CCDC159: variants seen among roughly 807,000 people sequenced by gnomAD.
CCDC159 encodes the protein coiled-coil domain containing 159, also known as coiled-coil domain-containing protein 159.
Under a neutral mutation model 50.9 loss-of-function variants are expected in CCDC159, and 40 were observed. The ratio of observed to expected loss-of-function variants is 0.79; its 90% confidence interval spans 0.61 to 1.02. The LOEUF is 1.02. Among genes scored for constraint, CCDC159 ranks in the 50% least tolerant of loss-of-function variants. The probability of loss-of-function intolerance (pLI) is 0.00; values close to 1 mark genes in which losing one functional copy is unlikely to be tolerated. For synonymous variants in CCDC159, 146 were observed against 138.9 expected, an observed-to-expected ratio of 1.05 and a Z score of -0.36; for missense variants, 356 against 371.5, an observed-to-expected ratio of 0.96 and a Z score of 0.34.
rs766335449 is a variant in CCDC159, at chr19:11,351,974, G to A, written c.490+1G>A. 1.2e-6 allele frequency: 2 copies of A among 1,609,652 alleles called. No homozygotes were observed. Among genetic ancestry groups the A allele is most frequent in the Non-Finnish European group, 1.7e-6 (2 of 1,177,990 alleles). On this transcript the variant is annotated splice_donor_variant, in intron 6 of 10. Coordinates refer to ENST00000458408, the MANE Select transcript of CCDC159 (RefSeq NM_001080503.3). LOFTEE classifies it high-confidence loss of function. ...GTGACCTTCATCTATCAGAAGCTCCGTGAGTTCCTGGAGCCCACAGCCGGT... is the reference window on the plus strand; with the variant it reads ...GTGACCTTCATCTATCAGAAGCTCCATGAGTTCCTGGAGCCCACAGCCGGT...
At chr19:11,349,059 T>G (rs774971090) in intron 1 of CCDC159, 29 of 1,343,416 alleles carry the variant, frequency 2.2e-5, no homozygotes, top group Non-Finnish European at 2.8e-5. Context: ...GGGGACACAG[T>G]GAGGACTGCA....
Position 11,351,021 on chromosome 19 carries a change from G to A in CCDC159, c.422+18G>A, listed in dbSNP as rs780959123. 3 of 1,531,122 alleles carry A rather than the reference G, an allele frequency of 2.0e-6. No homozygotes were observed. The highest frequency in any genetic ancestry group is 2.8e-5 in the African/African-American group (2 of 72,610). 94.8% of individuals were successfully genotyped at this position (1,531,122 alleles called of 1,614,324 possible). On this transcript the variant is annotated intron_variant, in intron 5 of 10. Coordinates refer to ENST00000458408, the MANE Select transcript of CCDC159 (RefSeq NM_001080503.3). ...CGGGACAGGTCGGGGATGGCGGGAG[G>A]GCAGCTTGGAGTCCACAGGAGGGAA...
chr19:11,349,440 C>T (rs528497157), intron 1 of CCDC159: 21 of 608,654 alleles, frequency 3.5e-5, no homozygotes, highest in Non-Finnish European at 5.2e-5. Flanking sequence ...TGGCTGTGAT[C>T]GTCTCTCAGC....
intron 1 of CCDC159, chr19:11,348,700 T>C: frequency 2.2e-6 from 1 of 461,362 alleles, no homozygotes; most frequent in South Asian, 1.5e-5. Flanking sequence ...CTGGGGGCAC[T>C]GGGGACATGG....
chr19:11,352,155 C>T lies in CCDC159; in HGVS notation c.567+22C>T, dbSNP rs771345236. 4.3e-6 allele frequency: 7 copies of T among 1,609,720 alleles called. 1 individual carries two copies. The South Asian group carries it at 6.6e-5, about 15-fold the overall frequency. On this transcript the variant is annotated intron_variant, in intron 7 of 10. Coordinates refer to ENST00000458408, the MANE Select transcript of CCDC159 (RefSeq NM_001080503.3). ...CAAAGTGAGTGGAGGAGATGGGGACCCTGGGGAGGAGTGGGAGAGGGAGGG... is the reference window on the plus strand; with the variant it reads ...CAAAGTGAGTGGAGGAGATGGGGACTCTGGGGAGGAGTGGGAGAGGGAGGG...
chr19:11,348,595 G>A (rs1045799713), intron 1 of CCDC159, among the ~76,000 whole-genome samples: 2 of 152,110 alleles, frequency 1.3e-5, no homozygotes, highest in African/African-American at 4.8e-5. Flanking sequence ...GGCCGCGTCT[G>A]GCCTTGGGAT....
chr19:11,354,942 C>A lies in CCDC159; in HGVS notation c.*65C>A. ...AAAATAAACTAGCCCAGACCCTCCT[C>A]TAGCCCCGACTGTTAGTCTTGCTGC... On this transcript the variant is annotated 3_prime_UTR_variant, in exon 11 of 11. Transcript: ENST00000458408. 6.5e-7 allele frequency: 1 copy of A among 1,538,710 alleles called. No homozygotes were observed. The highest frequency in any genetic ancestry group is 1.1e-5 in the South Asian group (1 of 89,604).
In CCDC159 at chr19:11,350,977, G is replaced by T; in HGVS notation, c.396G>T (p.Gln132His). The change falls in exon 5 of 11, where the codon CAG becomes CAT. Residue 132 changes from glutamine (Q) to histidine (H), a missense_variant. Physicochemically the swap from Gln to His is conservative, Grantham distance 24 (BLOSUM62 0). Transcript: ENST00000458408. ...GGGCCCGCACCACTCGCTGCCTGCAGCTGCTGGCCCAGGAGATCCGGGACA... is the reference window on the plus strand; with the variant it reads ...GGGCCCGCACCACTCGCTGCCTGCATCTGCTGGCCCAGGAGATCCGGGACA... The part of the protein sequence containing the change: ...MQRARTTRCL[Q>H]LLAQEIRDSK... 1 of 1,553,306 alleles carries T rather than the reference G, an allele frequency of 6.4e-7. No homozygotes were observed. The highest frequency in any genetic ancestry group is 2.0e-5 in the Admixed American group (1 of 51,236).
At chr19:11,347,404 C>T (rs893991822) in intron 1 of CCDC159, among the ~76,000 whole-genome samples, 2 of 152,210 alleles carry the variant, frequency 1.3e-5, no homozygotes, top group Non-Finnish European at 2.9e-5. Context: ...GATATCGGCT[C>T]ACTGCAACCT....
chr19:11,353,624 C>T (rs1293842076), intron 8 of CCDC159, 52 bp downstream of exon 8: 10 of 1,602,674 alleles, frequency 6.2e-6, no homozygotes, highest in Non-Finnish European at 8.5e-6. Flanking sequence ...ACCCGTTCCC[C>T]CAACGGGATC....
At position 11,350,193 on chromosome 19, in the gene CCDC159, C is replaced by T. The variant is rs753210747; in HGVS notation, c.220C>T (p.Leu74Phe). The T allele has an allele frequency of 9.3e-6, 15 of 1,610,160 alleles. No homozygotes were observed. The highest frequency in any genetic ancestry group is 1.6e-4 in the Middle Eastern group (1 of 6,082). ...SCLQQIKIQQ[L>F]EEVLSPTGRQ... Reference sequence around the variant, plus strand: ...CTTGCAGCAAATCAAGATTCAGCAGCTTGAAGGTGAGGACTGACCAGAGAT... The same window carrying T: ...CTTGCAGCAAATCAAGATTCAGCAGTTTGAAGGTGAGGACTGACCAGAGAT... The change falls in exon 4 of 11, where the codon CTT becomes TTT. Residue 74 changes from leucine (L) to phenylalanine (F), a missense_variant. Leu to Phe is a conservative substitution (Grantham distance 22). Transcript: ENST00000458408.
At chr19:11,354,817 C>T in intron 10 of CCDC159, 56 bp from the exon 11 acceptor site, 1 of 1,612,382 alleles carries the variant, frequency 6.2e-7, no homozygotes, top group Non-Finnish European at 8.5e-7. Context: ...CCCTGACCTG[C>T]AGCCCCGGAG....
Position 11,354,604 on chromosome 19 carries a change from G to A in CCDC159, c.797G>A (p.Ser266Asn). 1.3e-6 allele frequency: 2 copies of A among 1,579,690 alleles called. No homozygotes were observed. The highest frequency in any genetic ancestry group is 8.6e-7 in the Non-Finnish European group (1 of 1,156,472). Residue 266 changes from serine (S) to asparagine (N), a missense_variant, in exon 10 of 11, where the codon AGC (serine) becomes AAC (asparagine). By Grantham distance (46) the Ser-to-Asn change is conservative. Transcript: ENST00000458408. ...LRGHKGHQCL[S>N]PPLPSWDSDS... The stretch of plus-strand genomic sequence containing the variant: ...GGCCACAAGGGGCACCAGTGCCTGA[G>A]CCCTCCACTCCCCTCCTGGGACTCT...
chr19:11,349,714 T>C, intron 2 of CCDC159, 27 bp downstream of exon 2: 2 of 1,554,044 alleles, frequency 1.3e-6, no homozygotes, highest in Non-Finnish European at 1.8e-6. Flanking sequence ...CCAACAAAAC[T>C]GTGTGGGGAA....
chr19:11,347,507 T>A lies in CCDC159; in HGVS notation c.21+880T>A, dbSNP rs560902525. 3.8e-3 allele frequency among the ~76,000 whole-genome samples: 583 copies of A among 152,268 alleles called. 4 individuals are homozygous for A. The highest frequency in any genetic ancestry group is 0.014 in the African/African-American group (563 of 41,546). On this transcript the variant is annotated intron_variant, in intron 1 of 10. Transcript: ENST00000458408. Reference sequence around the variant, plus strand: ...CACCACGCCTGGCTAATTTTGTATTTTTAGTAGAGATGGGGTTTCTCCATG... The same window carrying A: ...CACCACGCCTGGCTAATTTTGTATTATTAGTAGAGATGGGGTTTCTCCATG...
At chr19:11,348,148 C>T (rs1967367225) in intron 1 of CCDC159, 3 of 456,696 alleles carry the variant, frequency 6.6e-6, no homozygotes, top group Middle Eastern at 3.3e-4. Flanking sequence ...TGCTCCCTGC[C>T]AGGAAAGGCC....
At chr19:11,352,801 C>T (rs1338251545) in intron 7 of CCDC159, among the ~76,000 whole-genome samples, 4 of 151,910 alleles carry the variant, frequency 2.6e-5, no homozygotes, top group East Asian at 1.9e-4. Flanking sequence ...TGTGGTGGCA[C>T]ATGCCTGTAG....
In CCDC159 at chr19:11,353,616, C is replaced by G. The variant is rs199633237; in HGVS notation, c.689+44C>G. ...TCTGACCCCTGACCCTCCTCTGAAC[C>G]CGTTCCCCCAACGGGATCTGGCAGT... On this transcript the variant is annotated intron_variant, in intron 8 of 10. Transcript: ENST00000458408. 237 of 1,603,958 alleles carry G rather than the reference C, an allele frequency of 1.5e-4. 1 individual carries two copies. The highest frequency in any genetic ancestry group is 1.2e-3 in the Middle Eastern group (7 of 5,974).
rs375449767 is a variant in CCDC159, at chr19:11,353,863, C to T, written c.761C>T (p.Ser254Leu). ...TLCSGACPKA[S>L]SLRGHKGHQC... ...TGCTCGGGGGCCTGTCCCAAGGCCTCGAGCCTAAGAGGTGAGGGAGGCTGA... is the reference window on the plus strand; with the variant it reads ...TGCTCGGGGGCCTGTCCCAAGGCCTTGAGCCTAAGAGGTGAGGGAGGCTGA... Residue 254 changes from serine (S) to leucine (L), a missense_variant, in exon 9 of 11, where the codon TCG (serine) becomes TTG (leucine). Transcript: ENST00000458408. 8.2e-6 allele frequency: 13 copies of T among 1,578,494 alleles called. No individual in the cohort carries two copies. The highest frequency in any genetic ancestry group is 2.7e-5 in the African/African-American group (2 of 73,948).
Sources: gnomAD v4.1 joint callset for allele counts (sites outside exome capture counted in the v4.1 genomes callset) on GRCh38, gnomAD v4.1.1 for gene constraint, MANE v1.5 for transcripts, NCBI Gene and HGNC (gene_info 2026-07-23, HGNC 2026-07-21) for gene names.